Variants in HLCS observed in about 807,000 individuals in gnomAD.
The protein encoded by HLCS is holocarboxylase synthetase.
Under a neutral mutation model 75.0 loss-of-function variants are expected in HLCS, and 53 were observed. That is an observed-to-expected ratio of 0.71 (90% CI 0.57 to 0.89). The LOEUF is 0.89. Among genes scored for constraint, HLCS ranks in the 40% least tolerant of loss-of-function variants. HLCS has a pLI of 0.00. For synonymous variants in HLCS, 431 were observed against 428.6 expected, an observed-to-expected ratio of 1.01 and a Z score of -0.07; for missense variants, 966 against 1,074.0, an observed-to-expected ratio of 0.90 and a Z score of 1.41.
At chr21:36,797,880 C>T (rs998263426) in intron 6 of HLCS, among the ~76,000 whole-genome samples, 10 of 151,968 alleles carry the variant, frequency 6.6e-5, no homozygotes, top group African/African-American at 1.7e-4. Context: ...TTCTAGAGAC[C>T]GAGAAATACA....
chr21:36,972,765 G>A (rs13049535), intron 1 of HLCS, among the ~76,000 whole-genome samples: 31,448 of 152,038 alleles, frequency 0.21, 3,508 homozygotes, highest in East Asian at 0.34. Flanking sequence ...AATTTGAAAT[G>A]GGTACTTCTA....
intron 2 of HLCS, among the ~76,000 whole-genome samples, chr21:36,955,007 G>C (rs2067863585): frequency 6.6e-6 from 1 of 152,160 alleles, no homozygotes; most frequent in South Asian, 2.1e-4. Flanking sequence ...GTTGCAATGA[G>C]CCAAGATAGT....
chr21:36,816,627 A>G (rs773748772), intron 6 of HLCS, among the ~76,000 whole-genome samples: 1 of 152,206 alleles, frequency 6.6e-6, no homozygotes, highest in Admixed American at 6.5e-5. Flanking sequence ...CCATTCTAGT[A>G]ATCAAGCTAA....
At chr21:36,859,316 T>C (rs1309935394) in intron 6 of HLCS, among the ~76,000 whole-genome samples, 1 of 152,234 alleles carries the variant, frequency 6.6e-6, no homozygotes, top group Non-Finnish European at 1.5e-5. Flanking sequence ...CCACCATGCC[T>C]GGCCAGCTTG....
chr21:36,905,653 C>A (rs1054746113), intron 5 of HLCS, among the ~76,000 whole-genome samples: 4 of 151,704 alleles, frequency 2.6e-5, no homozygotes, highest in African/African-American at 9.7e-5. Flanking sequence ...TATTCTTTGT[C>A]TTTTATTGGG....
intron 5 of HLCS, among the ~76,000 whole-genome samples, chr21:36,900,641 C>T (rs916829291): frequency 2.0e-5 from 3 of 152,042 alleles, no homozygotes; most frequent in Non-Finnish European, 2.9e-5. Flanking sequence ...TGAGAAGAGC[C>T]TGAAGGGGAA....
At chr21:36,836,648 A>C (rs1268172779) in intron 6 of HLCS, among the ~76,000 whole-genome samples, 2 of 151,764 alleles carry the variant, frequency 1.3e-5, no homozygotes, top group Middle Eastern at 3.2e-3. Context: ...ATCTACAATG[A>C]ACTCAAACAA....
At chr21:36,855,658 C>T (rs2063166712) in intron 6 of HLCS, among the ~76,000 whole-genome samples, 1 of 151,978 alleles carries the variant, frequency 6.6e-6, no homozygotes, top group South Asian at 2.1e-4. Context: ...CTAACTGCAA[C>T]CTCTGCCTCC....
intron 6 of HLCS, among the ~76,000 whole-genome samples, chr21:36,782,311 C>T (rs1206820959): frequency 3.9e-5 from 6 of 152,108 alleles, no homozygotes; most frequent in Non-Finnish European, 8.8e-5. Context: ...TTTTTGATTT[C>T]TTCTTGAAAT....
chr21:36,940,356 T>A (rs1480095404), intron 2 of HLCS, among the ~76,000 whole-genome samples: 5 of 152,208 alleles, frequency 3.3e-5, no homozygotes, highest in African/African-American at 9.6e-5. Flanking sequence ...ATTTATTTAT[T>A]TTTTGAGATG....
chr21:36,819,255 A>T (rs565319810), intron 6 of HLCS, among the ~76,000 whole-genome samples: 72 of 152,306 alleles, frequency 4.7e-4, no homozygotes, highest in African/African-American at 1.7e-3. Flanking sequence ...GCAAAAGTTG[A>T]TCCTCAGTGC....
intron 6 of HLCS, among the ~76,000 whole-genome samples, chr21:36,895,461 G>A (rs2064975869): frequency 6.6e-6 from 1 of 152,042 alleles, no homozygotes; most frequent in African/African-American, 2.4e-5. Context: ...AAAAATGAAA[G>A]TACCTATGAC....
intron 1 of HLCS, among the ~76,000 whole-genome samples, chr21:36,979,131 G>A (rs943059742): frequency 1.3e-5 from 2 of 152,052 alleles, no homozygotes; most frequent in African/African-American, 4.8e-5. Context: ...AATTAGCCGG[G>A]CATGATGGCG....
intron 5 of HLCS, among the ~76,000 whole-genome samples, chr21:36,921,001 A>T (rs1013315545): frequency 2.0e-5 from 3 of 152,290 alleles, no homozygotes; most frequent in Non-Finnish European, 4.4e-5. Context: ...TACGGAAATT[A>T]AAAACAGGAA....
Position 36,951,699 on chromosome 21 carries a change from C to T in HLCS, c.330+10337G>A, listed in dbSNP as rs183393288. Reference sequence around the variant, plus strand: ...GCACTCAATAAACCTTCAATGAATGCCTTGATCAAGTACAAGGAACATAAG... The same window carrying T: ...GCACTCAATAAACCTTCAATGAATGTCTTGATCAAGTACAAGGAACATAAG... On this transcript the variant is annotated intron_variant, in intron 2 of 10. Transcript: ENST00000674895. 2.6e-4 allele frequency among the ~76,000 whole-genome samples: 40 copies of T among 152,294 alleles called. No homozygotes were observed. In the East Asian group the frequency reaches 7.7e-3, roughly 29 times the overall value.
At chr21:36,816,229 T>C (rs1175606490) in intron 6 of HLCS, among the ~76,000 whole-genome samples, 6 of 151,958 alleles carry the variant, frequency 3.9e-5, no homozygotes, top group Admixed American at 3.9e-4. Context: ...CCCATCTCTA[T>C]AAAAAATTTT....
At chr21:36,778,171 A>T (rs138957356) in intron 6 of HLCS, among the ~76,000 whole-genome samples, 20 of 152,014 alleles carry the variant, frequency 1.3e-4, no homozygotes, top group Admixed American at 2.0e-4. Context: ...GGGTTTCACC[A>T]TGTTAGCCAG....
chr21:36,875,828 T>C (rs1375427653), intron 6 of HLCS, among the ~76,000 whole-genome samples: 1 of 151,652 alleles, frequency 6.6e-6, no homozygotes, highest in Non-Finnish European at 1.5e-5. Flanking sequence ...ATGTTGCAGG[T>C]GATGAGGAGA....
At chr21:36,871,266 CTG>C (rs1213222980) in intron 6 of HLCS, among the ~76,000 whole-genome samples, 1 of 152,116 alleles carries the variant, frequency 6.6e-6, no homozygotes, top group East Asian at 1.9e-4. Context: ...AGAATACAGA[CTG>C]TGATTTTTGT....
Sources: gnomAD v4.1 joint callset for allele counts (sites outside exome capture counted in the v4.1 genomes callset) on GRCh38, gnomAD v4.1.1 for gene constraint, MANE v1.5 for transcripts, NCBI Gene and HGNC (gene_info 2026-07-23, HGNC 2026-07-21) for gene names.